Variants in TLN2 observed in about 807,000 individuals in gnomAD.
The protein encoded by TLN2 is talin-2.
TLN2 carries 118 observed loss-of-function variants against 294.7 expected under a neutral mutation model. The ratio of observed to expected loss-of-function variants is 0.40; its 90% CI spans 0.34 to 0.47. The LOEUF (loss-of-function observed/expected upper bound fraction) is 0.47, where lower values mean the gene tolerates loss of function less well. Among genes scored for constraint, TLN2 ranks in the 20% least tolerant of loss-of-function variants. The pLI is 0.84. For synonymous variants in TLN2, 1,431 were observed against 1,304.5 expected (o/e 1.10, Z -2.09); for missense variants, 3,083 against 3,282.2 (o/e 0.94, Z 1.48).
At chr15:62,801,665 C>T (rs543189092) in intron 50 of TLN2, among the ~76,000 whole-genome samples, 14 of 152,290 alleles carry the variant, frequency 9.2e-5, no homozygotes, top group African/African-American at 3.1e-4. Context: ...TGATGTTGCG[C>T]TCAGTTCATG....
intron 55 of TLN2, chr15:62,835,016 A>T (rs887596925): frequency 3.3e-5 from 5 of 152,122 alleles, no homozygotes; most frequent in African/African-American, 4.8e-5. Flanking sequence ...ACATTCAGCA[A>T]TCCCTGATGT....
rs80243659 is a variant in TLN2, at chr15:62,572,856, G to A, written c.-237-16831G>A. Among the ~76,000 whole-genome samples the A allele has an allele frequency of 4.0e-3, 610 of 152,120 alleles. 3 individuals are homozygous for A. Among genetic ancestry groups the A allele is most frequent in the African/African-American group, 0.014 (591 of 41,486 alleles). On this transcript the variant is annotated intron_variant, in intron 1 of 58. Coordinates refer to ENST00000636159, the MANE Select transcript of TLN2 (RefSeq NM_015059.3). ...TGCATTTTGGAATCCCGCACTCTGT[G>A]CTTGTTCGCCACCCCCTCCTGCTGC... is the stretch of plus-strand genomic sequence containing the variant.
intron 3 of TLN2, among the ~76,000 whole-genome samples, chr15:62,625,857 G>A (rs1458526543): frequency 2.0e-5 from 3 of 152,180 alleles, no homozygotes; most frequent in Non-Finnish European, 4.4e-5. Flanking sequence ...GTGGGCAGAT[G>A]GGAATGGATG....
Position 62,652,001 on chromosome 15 carries a change from C to G in TLN2, c.235-4C>G, listed in dbSNP as rs749532366. 3.1e-6 allele frequency: 5 copies of G among 1,605,738 alleles called. No individual in the cohort carries two copies. The highest frequency in any genetic ancestry group is 1.7e-5 in the Admixed American group (1 of 59,546). On this transcript the variant is annotated splice_polypyrimidine_tract_variant and splice_region_variant and intron_variant, in intron 5 of 58. Coordinates refer to ENST00000636159, the MANE Select transcript of TLN2 (RefSeq NM_015059.3). ...GTGAAATTTGTATGTGGTTTGTGCT[C>G]TAGGATATTTTGGAATATAAAAAGA...
Position 62,752,397 on chromosome 15 carries a change from T to C in TLN2, c.4302T>C (p.Ala1434=). The change falls in exon 35 of 59, where the codon GCT becomes GCC. Residue 1434 remains alanine (A), a synonymous_variant. Coordinates refer to ENST00000636159, the MANE Select transcript of TLN2 (RefSeq NM_015059.3). ...AATGTGTGGGGATTGCATCCAAGGCTCTCTGTGGGCTGACAGAGGCTGCAG... is the reference window on the plus strand; with the variant it reads ...AATGTGTGGGGATTGCATCCAAGGCCCTCTGTGGGCTGACAGAGGCTGCAG... ...FGECVGIASK[A]LCGLTEAAAQ... is the part of the protein sequence containing the mutation. 1 of 1,614,022 alleles carries C rather than the reference T, an allele frequency of 6.2e-7. No homozygotes were observed. The highest frequency in any genetic ancestry group is 8.5e-7 in the Non-Finnish European group (1 of 1,179,988).
chr15:62,492,553 A>AAAAAAAAG (rs1303695630), intron 1 of TLN2, among the ~76,000 whole-genome samples: 3 of 151,486 alleles, frequency 2.0e-5, no homozygotes, highest in Admixed American at 1.3e-4. Context: ...CAAAAAAAAA[A>AAAAAAAAG]AAAAAAAGAA....
At chr15:62,696,656 C>T (rs1170260466) in intron 14 of TLN2, among the ~76,000 whole-genome samples, 4 of 152,060 alleles carry the variant, frequency 2.6e-5, no homozygotes, top group Non-Finnish European at 4.4e-5. Context: ...TGCAGTGAGC[C>T]GAGATCACGC....
intron 47 of TLN2, among the ~76,000 whole-genome samples, chr15:62,796,888 T>TA (rs960191184): frequency 6.6e-6 from 1 of 152,188 alleles, no homozygotes; most frequent in Non-Finnish European, 1.5e-5. Context: ...TGGAGTATTT[T>TA]AAGGGACAGT....
intron 45 of TLN2, among the ~76,000 whole-genome samples, chr15:62,789,451 T>A (rs2064924973): frequency 6.6e-6 from 1 of 152,182 alleles, no homozygotes; most frequent in Non-Finnish European, 1.5e-5. Flanking sequence ...CCTTGCTATA[T>A]GCATCGTGTC....
At chr15:62,563,769 G>T (rs1051738429) in intron 1 of TLN2, among the ~76,000 whole-genome samples, 1 of 152,178 alleles carries the variant, frequency 6.6e-6, no homozygotes. Context: ...TCCTGCGAGG[G>T]TTGGCTTCAC....
intron 9 of TLN2, among the ~76,000 whole-genome samples, chr15:62,667,511 G>T (rs1001645209): frequency 2.6e-5 from 4 of 152,182 alleles, no homozygotes; most frequent in Admixed American, 1.3e-4. Flanking sequence ...TGCTTTGTTT[G>T]TATGTTCATG....
At chr15:62,837,870 TTGAA>T (rs1371384032) in intron 57 of TLN2, among the ~76,000 whole-genome samples, 1 of 152,122 alleles carries the variant, frequency 6.6e-6, no homozygotes, top group Non-Finnish European at 1.5e-5. Context: ...GCAGTTAACT[TTGAA>T]TGAGAAGAAC....
Position 62,684,379 on chromosome 15 carries a change from G to C in TLN2, c.958-2262G>C, listed in dbSNP as rs143884790. Among the ~76,000 whole-genome samples the C allele has an allele frequency of 5.1e-4, 78 of 152,330 alleles. 1 individual carries two copies. The East Asian group carries it at 7.1e-3, about 14-fold the overall frequency. ...CTAGAGCCTATCAAGCTAAAACTCT[G>C]TGTGGCTCCTGAAGCCAAAGTAGAT... On this transcript the variant is annotated intron_variant, in intron 11 of 58. Transcript: ENST00000636159.
chr15:62,825,789 T>TATTATAATATAATA (rs1491491748), intron 54 of TLN2, among the ~76,000 whole-genome samples: 4 of 83,612 alleles, frequency 4.8e-5, no homozygotes, highest in African/African-American at 2.9e-4. Context: ...ATATTATATA[T>TATTATAATATAATA]TATAATATAT....
At chr15:62,582,870 G>A (rs1433633754) in intron 1 of TLN2, among the ~76,000 whole-genome samples, 1 of 152,146 alleles carries the variant, frequency 6.6e-6, no homozygotes, top group Non-Finnish European at 1.5e-5. Flanking sequence ...CAGAAGTTGA[G>A]GATTGCCAGT....
At chr15:62,520,061 A>G (rs767848026) in intron 1 of TLN2, among the ~76,000 whole-genome samples, 2 of 152,206 alleles carry the variant, frequency 1.3e-5, no homozygotes, top group African/African-American at 4.8e-5. Context: ...AAACCATCAG[A>G]TCTTGTGAGA....
Position 62,835,675 on chromosome 15 carries a change from G to A in TLN2, c.7129-62G>A, listed in dbSNP as rs2069451027. 7 of 1,588,814 alleles carry A rather than the reference G, an allele frequency of 4.4e-6. No homozygotes were observed. In the South Asian group the frequency reaches 4.4e-5, roughly 10 times the overall value. On this transcript the variant is annotated intron_variant, in intron 55 of 58. Transcript: ENST00000636159. ...TGGTTCCCGAGCAAGGTCTGGGGAT[G>A]AGGGGCTGCGACCACTGGGGCTGCC... is the stretch of plus-strand genomic sequence containing the variant.
chr15:62,511,637 A>T (rs536918230), intron 1 of TLN2, among the ~76,000 whole-genome samples: 35 of 148,580 alleles, frequency 2.4e-4, no homozygotes, highest in Non-Finnish European at 4.2e-4. Context: ...TCTGCCACTG[A>T]CAGAGGGATG....
At chr15:62,404,658 A>G (rs2033271779) in intron 1 of TLN2, among the ~76,000 whole-genome samples, 1 of 152,186 alleles carries the variant, frequency 6.6e-6, no homozygotes, top group African/African-American at 2.4e-5. Flanking sequence ...CATATAAATG[A>G]GGCTATTTCC....
Sources: gnomAD v4.1 joint callset for allele counts (sites outside exome capture counted in the v4.1 genomes callset) on GRCh38, gnomAD v4.1.1 for gene constraint, MANE v1.5 for transcripts, NCBI Gene and HGNC (gene_info 2026-07-23, HGNC 2026-07-21) for gene names.